Variants in KANK1 observed in about 807,000 individuals in gnomAD.
The protein encoded by KANK1 is KN motif and ankyrin repeat domain-containing protein 1.
In KANK1, 109 loss-of-function variants were observed where a neutral mutation model predicts 106.2. That is an observed-to-expected ratio of 1.03 (90% CI 0.88 to 1.20). The LOEUF (loss-of-function observed/expected upper bound fraction) is 1.20, where lower values mean the gene tolerates loss of function less well. Ranked by LOEUF, KANK1 falls within the 50% of genes most tolerant of loss-of-function variation. The pLI, the probability that KANK1 is intolerant of heterozygous loss-of-function variation, is 0.00. For missense variants in KANK1, 2,399 were observed against 1,710.7 expected (o/e 1.40, Z -7.10); for synonymous variants, 873 against 652.2 (o/e 1.34, Z -5.16).
chr9:471,175 C>G (rs2058013549), intron 2 of KANK1, among the ~76,000 whole-genome samples: 1 of 152,190 alleles, frequency 6.6e-6, no homozygotes, highest in Non-Finnish European at 1.5e-5. Context: ...TCATCTCTTC[C>G]ATCTGATGGA....
chr9:583,796 C>T (rs1822767059), intron 1 of KANK1, among the ~76,000 whole-genome samples: 1 of 151,472 alleles, frequency 6.6e-6, no homozygotes. Flanking sequence ...TATTCCAGAT[C>T]AATAAGATGA....
intron 1 of KANK1, among the ~76,000 whole-genome samples, chr9:626,280 C>T (rs1346981735): frequency 6.6e-6 from 1 of 151,996 alleles, no homozygotes. Flanking sequence ...CATGGTGAAA[C>T]CCCATTTCTA....
chr9:620,241 C>G (rs1039777158), intron 1 of KANK1, among the ~76,000 whole-genome samples: 4 of 152,078 alleles, frequency 2.6e-5, no homozygotes, highest in Non-Finnish European at 1.5e-5. Context: ...GCATCGTACC[C>G]TCTATTACTC....
In KANK1 at chr9:711,878, C is replaced by T; in HGVS notation, c.1112C>T (p.Thr371Ile). The change falls in exon 3 of 12, where the codon ACA becomes ATA. Residue 371 changes from threonine (T) to isoleucine (I), a missense_variant. Thr to Ile is a moderately conservative substitution (Grantham distance 89). Coordinates refer to ENST00000382297, the MANE Select transcript of KANK1 (RefSeq NM_015158.5). ...AGGATAAAGGAGTTCCGGCAACTTA[C>T]AGCAGACATGCAAGCCCTGGAGCAG... ...TQRIKEFRQL[T>I]ADMQALEQKI... 1 of 1,614,198 alleles carries T rather than the reference C, an allele frequency of 6.2e-7. No homozygotes were observed.
chr9:548,877 G>A (rs552317038), intron 1 of KANK1, among the ~76,000 whole-genome samples: 2 of 151,992 alleles, frequency 1.3e-5, no homozygotes, highest in Admixed American at 6.6e-5. Flanking sequence ...CCAGGAGTTC[G>A]AGACCAGCCT....
intron 2 of KANK1, among the ~76,000 whole-genome samples, chr9:682,151 G>A (rs1483567055): frequency 1.4e-4 from 22 of 151,766 alleles, no homozygotes; most frequent in Admixed American, 1.4e-3. Flanking sequence ...GTGGTGGTGG[G>A]CGCCTGTAAT....
At chr9:705,435 A>C (rs113802598) in intron 2 of KANK1, among the ~76,000 whole-genome samples, 1 of 152,028 alleles carries the variant, frequency 6.6e-6, no homozygotes, top group African/African-American at 2.4e-5. Context: ...GCAGTGAGCC[A>C]AGATGGCGCC....
At chr9:599,912 G>C (rs1827288546) in intron 1 of KANK1, among the ~76,000 whole-genome samples, 1 of 151,746 alleles carries the variant, frequency 6.6e-6, no homozygotes, top group South Asian at 2.1e-4. Context: ...TTAGTGTGGT[G>C]TTGGTGTTTT....
At chr9:701,496 C>T (rs1822652489) in intron 2 of KANK1, among the ~76,000 whole-genome samples, 2 of 152,164 alleles carry the variant, frequency 1.3e-5, no homozygotes, top group African/African-American at 4.8e-5. Context: ...TCAGCCTCAG[C>T]GCTACTGACA....
intron 1 of KANK1, among the ~76,000 whole-genome samples, chr9:667,257 A>G (rs115879860): frequency 0.01 from 1,539 of 151,516 alleles, 23 homozygotes; most frequent in African/African-American, 0.033. Context: ...TTGTACTCCT[A>G]TGGTCTCTGT....
chr9:551,970 C>T (rs1283374871), intron 1 of KANK1, among the ~76,000 whole-genome samples: 2 of 151,902 alleles, frequency 1.3e-5, no homozygotes, highest in Non-Finnish European at 2.9e-5. Context: ...TTGGGAGGAT[C>T]ACTTGAGCTC....
intron 2 of KANK1, among the ~76,000 whole-genome samples, chr9:472,583 G>C (rs906332341): frequency 1.3e-5 from 2 of 152,176 alleles, no homozygotes; most frequent in Admixed American, 1.3e-4. Flanking sequence ...GCGGCAAAGT[G>C]ATACTGTACA....
At chr9:546,679 G>T (rs1333133988) in intron 1 of KANK1, among the ~76,000 whole-genome samples, 2 of 139,176 alleles carry the variant, frequency 1.4e-5, no homozygotes, top group African/African-American at 5.5e-5. Context: ...ACTCCCCCAA[G>T]CAGTAAATTC....
At chr9:586,070 TG>T (rs1823392666) in intron 1 of KANK1, among the ~76,000 whole-genome samples, 1 of 152,222 alleles carries the variant, frequency 6.6e-6, no homozygotes, top group African/African-American at 2.4e-5. Flanking sequence ...ACCTGCTGTG[TG>T]ATCTGTAAGG....
chr9:641,097 C>T (rs1275993580), intron 1 of KANK1, among the ~76,000 whole-genome samples: 1 of 152,096 alleles, frequency 6.6e-6, no homozygotes, highest in African/African-American at 2.4e-5. Context: ...GTTGATAGCC[C>T]AAACCAATTT....
chr9:713,815 A>G (rs972785775), intron 3 of KANK1, among the ~76,000 whole-genome samples: 1 of 151,970 alleles, frequency 6.6e-6, no homozygotes, highest in African/African-American at 2.4e-5. Flanking sequence ...CTGCCTTTAA[A>G]AAATCCTACC....
chr9:633,281 C>T (rs572497602), intron 1 of KANK1, among the ~76,000 whole-genome samples: 39 of 152,044 alleles, frequency 2.6e-4, no homozygotes, highest in Admixed American at 2.0e-3. Context: ...ACGGTGAAAT[C>T]GCATCTCTAC....
chr9:631,622 C>T (rs759272842), intron 1 of KANK1, among the ~76,000 whole-genome samples: 1 of 152,188 alleles, frequency 6.6e-6, no homozygotes, highest in Non-Finnish European at 1.5e-5. Context: ...AAAACTAACC[C>T]AATATGGTGG....
At chr9:660,091 C>A in intron 1 of KANK1, 1 of 427,072 alleles carries the variant, frequency 2.3e-6, no homozygotes, top group South Asian at 2.0e-5. Flanking sequence ...AAGAATTCAT[C>A]CAACAGAGAA....
Sources: allele counts gnomAD v4.1 joint callset (sites outside exome capture counted in the v4.1 genomes callset), GRCh38; gene constraint gnomAD v4.1.1; transcripts MANE v1.5; gene names NCBI Gene and HGNC (gene_info 2026-07-23, HGNC 2026-07-21).